The following HFM1 variants were observed in gnomAD, a reference collection of about 807,000 sequenced individuals.
The protein encoded by HFM1 is helicase for meiosis 1.
A neutral mutation model predicts 192.1 loss-of-function variants in HFM1; 169 were observed. That is an observed-to-expected ratio of 0.88 (90% CI 0.78 to 1.00). The LOEUF is 1.00. Among genes scored for constraint, HFM1 ranks in the 50% least tolerant of loss-of-function variants. HFM1 has a pLI of 0.00. For missense variants in HFM1, 1,661 were observed against 1,668.0 expected (o/e 1.00, Z 0.07); for synonymous variants, 525 against 537.8 (o/e 0.98, Z 0.33).
chr1:91,351,274 CATA>C (rs1557894923), intron 17 of HFM1, among the ~76,000 whole-genome samples: 1 of 151,668 alleles, frequency 6.6e-6, no homozygotes, highest in African/African-American at 2.4e-5. Flanking sequence ...TAAATTATAA[CATA>C]ATCATAATTA....
At chr1:91,270,231 G>A (rs945615821) in intron 34 of HFM1, among the ~76,000 whole-genome samples, 1 of 152,116 alleles carries the variant, frequency 6.6e-6, no homozygotes, top group Non-Finnish European at 1.5e-5. Context: ...GAGATGTGCA[G>A]GAGGCAAAAT....
chr1:91,329,521 T>C, intron 20 of HFM1: 1 of 1,503,704 alleles, frequency 6.7e-7, no homozygotes, highest in Non-Finnish European at 9.0e-7. Context: ...GGAAAATAAA[T>C]GTGTTTCCCC....
chr1:91,384,964 C>T (rs866926571), intron 6 of HFM1, among the ~76,000 whole-genome samples: 1 of 152,032 alleles, frequency 6.6e-6, no homozygotes, highest in South Asian at 2.1e-4. Flanking sequence ...AGGCTGGTCT[C>T]GAACTCCTGA....
At chr1:91,379,014 G>C in intron 9 of HFM1, 49 bp downstream of exon 9, 3 of 1,128,136 alleles carry the variant, frequency 2.7e-6, no homozygotes, top group East Asian at 5.6e-5. Flanking sequence ...AAGAAAAATA[G>C]GTATTTTCTA....
At chr1:91,397,238 C>A (rs1663774022) in intron 2 of HFM1, among the ~76,000 whole-genome samples, 1 of 152,140 alleles carries the variant, frequency 6.6e-6, no homozygotes, top group Non-Finnish European at 1.5e-5. Flanking sequence ...TCCAAGAAAT[C>A]ATTTGAAACT....
chr1:91,349,211 C>T (rs978873842), intron 18 of HFM1, among the ~76,000 whole-genome samples: 1 of 151,834 alleles, frequency 6.6e-6, no homozygotes, highest in East Asian at 1.9e-4. Context: ...TTGCTTGAAC[C>T]TGTGAGGTGG....
chr1:91,325,592 TA>T (rs1246804447), intron 20 of HFM1, among the ~76,000 whole-genome samples: 6 of 152,166 alleles, frequency 3.9e-5, no homozygotes, highest in Admixed American at 6.5e-5. Context: ...AACCACAGCA[TA>T]ATCGGGCTTA....
chr1:91,346,295 ATC>A (rs771228951), intron 19 of HFM1, among the ~76,000 whole-genome samples: 12 of 152,312 alleles, frequency 7.9e-5, no homozygotes, highest in Non-Finnish European at 1.5e-4. Context: ...ATAGCAATAT[ATC>A]TCTTTGTCTA....
intron 8 of HFM1, among the ~76,000 whole-genome samples, chr1:91,379,525 C>A (rs1339377907): frequency 6.6e-6 from 1 of 151,988 alleles, no homozygotes; most frequent in Non-Finnish European, 1.5e-5. Flanking sequence ...CGTAAGTTTA[C>A]AAATTTGTGC....
rs550341433 is a variant in HFM1, at chr1:91,345,026, G to T, written c.2255-1516C>A. On this transcript the variant is annotated intron_variant, in intron 19 of 38. Transcript: ENST00000370425. Reference sequence around the variant, plus strand: ...CCTTGGAATCCCAAAGGTATTACAGGCATGAACCACCATGCCCAACCTATA... The same window carrying T: ...CCTTGGAATCCCAAAGGTATTACAGTCATGAACCACCATGCCCAACCTATA... 1.6e-4 allele frequency among the ~76,000 whole-genome samples: 25 copies of T among 152,098 alleles called. No homozygotes were observed. In the East Asian group the frequency reaches 4.4e-3, roughly 27 times the overall value.
chr1:91,363,971 T>C (rs1054728512), intron 13 of HFM1, among the ~76,000 whole-genome samples: 1 of 151,898 alleles, frequency 6.6e-6, no homozygotes, highest in African/African-American at 2.4e-5. Flanking sequence ...CACTTATAAG[T>C]GGGAGCTGAA....
chr1:91,322,804 T>C, intron 23 of HFM1, 146 bp downstream of exon 23: 1 of 463,910 alleles, frequency 2.2e-6, no homozygotes, highest in African/African-American at 2.0e-5. Flanking sequence ...AAATCATCAA[T>C]TTTAAAGTCT....
chr1:91,345,639 A>G (rs1214130321), intron 19 of HFM1, among the ~76,000 whole-genome samples: 1 of 152,118 alleles, frequency 6.6e-6, no homozygotes, highest in Non-Finnish European at 1.5e-5. Context: ...ACTCAATAAG[A>G]CTAAGAGGAC....
Position 91,323,012 on chromosome 1 carries a change from A to G in HFM1, c.2535-15T>C, listed in dbSNP as rs1652363610. ...CCATTGGAAATCTGTAAATAAAACCACATGGCAAAACATTTATTATTATTT... is the reference window on the plus strand; with the variant it reads ...CCATTGGAAATCTGTAAATAAAACCGCATGGCAAAACATTTATTATTATTT... On this transcript the variant is annotated splice_polypyrimidine_tract_variant and intron_variant, in intron 22 of 38. Coordinates refer to ENST00000370425, the MANE Select transcript of HFM1 (RefSeq NM_001017975.6). The G allele has an allele frequency of 7.4e-7, 1 of 1,358,362 alleles. No individual in the cohort carries two copies. Among genetic ancestry groups the G allele is most frequent in the Non-Finnish European group, 9.9e-7 (1 of 1,009,588 alleles). 84.1% of individuals were successfully genotyped at this position (1,358,362 alleles called of 1,614,324 possible).
At chr1:91,383,784 A>T (rs926358788) in intron 6 of HFM1, among the ~76,000 whole-genome samples, 6 of 152,178 alleles carry the variant, frequency 3.9e-5, no homozygotes, top group Admixed American at 3.3e-4. Context: ...AAAATATTGC[A>T]TGGTTTCTCC....
chr1:91,290,911 T>A (rs1668667350), intron 30 of HFM1, among the ~76,000 whole-genome samples: 1 of 152,192 alleles, frequency 6.6e-6, no homozygotes, highest in Non-Finnish European at 1.5e-5. Flanking sequence ...TCAGAACCGC[T>A]CAACTACATG....
intron 30 of HFM1, among the ~76,000 whole-genome samples, chr1:91,305,715 G>A (rs1408279175): frequency 6.6e-6 from 1 of 151,764 alleles, no homozygotes; most frequent in Admixed American, 6.6e-5. Context: ...CTACAGGCAA[G>A]CACCACCACA....
At chr1:91,281,770 A>G (rs1229770615) in intron 30 of HFM1, among the ~76,000 whole-genome samples, 2 of 152,176 alleles carry the variant, frequency 1.3e-5, no homozygotes, top group African/African-American at 4.8e-5. Context: ...TCTGTCACCC[A>G]GGCTGGAGTG....
intron 13 of HFM1, among the ~76,000 whole-genome samples, chr1:91,370,683 G>A (rs1165786026): frequency 6.6e-6 from 1 of 152,126 alleles, no homozygotes; most frequent in Non-Finnish European, 1.5e-5. Context: ...ACTGGCACAA[G>A]ATAGGGATGC....
Sources: allele counts gnomAD v4.1 joint callset (sites outside exome capture counted in the v4.1 genomes callset), GRCh38; gene constraint gnomAD v4.1.1; transcripts MANE v1.5; gene names NCBI Gene and HGNC (gene_info 2026-07-23, HGNC 2026-07-21).